The following TRDN variants were observed in gnomAD, a reference collection of about 807,000 sequenced individuals.
TRDN encodes the protein triadin.
In TRDN, 161 loss-of-function variants were observed where a neutral mutation model predicts 149.7. The observed-to-expected ratio is 1.08, with a 90% CI of 0.95 to 1.23. The LOEUF (loss-of-function observed/expected upper bound fraction) is 1.23. TRDN is among the 50% of genes most tolerant of loss of function. The pLI, the probability that TRDN is intolerant of heterozygous loss-of-function variation, is 0.00. For missense variants in TRDN, 896 were observed against 823.5 expected, an observed-to-expected ratio of 1.09 and a Z score of -1.08; for synonymous variants, 294 against 250.5, an observed-to-expected ratio of 1.17 and a Z score of -1.64.
At chr6:123,526,657 T>C (rs73552164) in intron 5 of TRDN, among the ~76,000 whole-genome samples, 18,534 of 152,070 alleles carry the variant, frequency 0.12, 1,359 homozygotes, top group Non-Finnish European at 0.17. Flanking sequence ...AAAAATTATA[T>C]ACAGTATTTC....
At chr6:123,292,234 T>A (rs1413295131) in intron 24 of TRDN, among the ~76,000 whole-genome samples, 1 of 152,204 alleles carries the variant, frequency 6.6e-6, no homozygotes, top group African/African-American at 2.4e-5. Context: ...GGGTCCATAA[T>A]GTCCCTCAGT....
rs562052950 is a variant in TRDN at position 123,302,823 on chromosome 6, A to C, written c.1510+13634T>G. Among the ~76,000 whole-genome samples, 3 of 152,234 alleles carry C rather than the reference A, an allele frequency of 2.0e-5. 1 individual carries two copies. In the South Asian group the frequency reaches 6.2e-4, roughly 32 times the overall value. ...GTTAAAATGCAAGTTCTTATTCATCAGTTCTTGATGGGCCCTAAGATTCTA... is the reference window on the plus strand; with the variant it reads ...GTTAAAATGCAAGTTCTTATTCATCCGTTCTTGATGGGCCCTAAGATTCTA... On this transcript the variant is annotated intron_variant, in intron 24 of 40. Transcript: ENST00000334268.
chr6:123,612,020 C>T lies in TRDN; in HGVS notation c.22+24734G>A, dbSNP rs116163302. 8.9e-3 allele frequency among the ~76,000 whole-genome samples: 1,353 copies of T among 151,628 alleles called. 22 individuals are homozygous for T. The highest frequency in any genetic ancestry group is 0.03 in the African/African-American group (1,227 of 41,344). On this transcript the variant is annotated intron_variant, in intron 1 of 40. Transcript: ENST00000334268. ...TTCAACTTAAGTCAAAAGCTAAGAACGATGTTCAAGATTAGTGTTCTACAA... is the reference window on the plus strand; with the variant it reads ...TTCAACTTAAGTCAAAAGCTAAGAATGATGTTCAAGATTAGTGTTCTACAA...
intron 10 of TRDN, among the ~76,000 whole-genome samples, chr6:123,453,321 C>A (rs1775902425): frequency 6.6e-6 from 1 of 152,104 alleles, no homozygotes; most frequent in African/African-American, 2.4e-5. Flanking sequence ...AAACAGACAA[C>A]CCACAGAGTG....
intron 31 of TRDN, 53 bp from the exon 32 acceptor site, chr6:123,267,804 T>G: frequency 7.0e-7 from 1 of 1,425,790 alleles, no homozygotes; most frequent in Non-Finnish European, 9.5e-7. Flanking sequence ...TTGGCAAATA[T>G]TTCTTATTTA....
At chr6:123,242,549 T>C (rs1483737904) in intron 38 of TRDN, among the ~76,000 whole-genome samples, 1 of 152,204 alleles carries the variant, frequency 6.6e-6, no homozygotes, top group Admixed American at 6.5e-5. Flanking sequence ...CTGTTTAGAT[T>C]CAGCTAATAC....
intron 20 of TRDN, among the ~76,000 whole-genome samples, chr6:123,363,994 A>G (rs1780994169): frequency 6.6e-6 from 1 of 152,206 alleles, no homozygotes; most frequent in Non-Finnish European, 1.5e-5. Context: ...AACTGTGTCC[A>G]AAAGAGGCAA....
At chr6:123,242,258 T>C (rs1042128737) in intron 38 of TRDN, among the ~76,000 whole-genome samples, 1 of 152,160 alleles carries the variant, frequency 6.6e-6, no homozygotes, top group African/African-American at 2.4e-5. Flanking sequence ...TTTGCTTTTT[T>C]AGAGAAAAAG....
At chr6:123,540,219 A>G (rs1211987916) in intron 4 of TRDN, among the ~76,000 whole-genome samples, 1 of 152,200 alleles carries the variant, frequency 6.6e-6, no homozygotes, top group Non-Finnish European at 1.5e-5. Flanking sequence ...ATGCTACTAA[A>G]TCCAGATTAA....
intron 1 of TRDN, among the ~76,000 whole-genome samples, chr6:123,579,550 T>C (rs993101340): frequency 6.6e-6 from 1 of 152,206 alleles, no homozygotes; most frequent in African/African-American, 2.4e-5. Flanking sequence ...TGCAAGATTT[T>C]GTTGAGGATT....
chr6:123,296,737 T>C (rs1304746840), intron 24 of TRDN, among the ~76,000 whole-genome samples: 1 of 152,052 alleles, frequency 6.6e-6, no homozygotes, highest in African/African-American at 2.4e-5. Context: ...TATAGTTTTA[T>C]GTATATAATT....
intron 5 of TRDN, among the ~76,000 whole-genome samples, chr6:123,517,589 A>C (rs901552673): frequency 6.6e-6 from 1 of 152,052 alleles, no homozygotes; most frequent in African/African-American, 2.4e-5. Context: ...TTACCAACCC[A>C]ATGTCATCTA....
chr6:123,324,147 C>G (rs1375995851), intron 23 of TRDN, among the ~76,000 whole-genome samples: 1 of 152,126 alleles, frequency 6.6e-6, no homozygotes, highest in African/African-American at 2.4e-5. Flanking sequence ...GGGGAAGTCA[C>G]TAGACTCTTG....
At chr6:123,526,030 T>C (rs563885069) in intron 5 of TRDN, among the ~76,000 whole-genome samples, 1 of 152,148 alleles carries the variant, frequency 6.6e-6, no homozygotes, top group East Asian at 1.9e-4. Flanking sequence ...GGGCCCAGTT[T>C]GTGGTAATTT....
intron 2 of TRDN, among the ~76,000 whole-genome samples, chr6:123,552,898 A>G (rs964875209): frequency 1.3e-5 from 2 of 152,150 alleles, no homozygotes; most frequent in African/African-American, 4.8e-5. Flanking sequence ...TCAACTTTCC[A>G]GTGCCTGTTA....
At chr6:123,262,271 C>A (rs28385594) in intron 33 of TRDN, among the ~76,000 whole-genome samples, 21,640 of 151,984 alleles carry the variant, frequency 0.14, 1,790 homozygotes, top group African/African-American at 0.22. Flanking sequence ...TCAACCCACA[C>A]AATAACTGTT....
At chr6:123,634,748 A>G (rs550645816) in intron 1 of TRDN, among the ~76,000 whole-genome samples, 2 of 143,392 alleles carry the variant, frequency 1.4e-5, no homozygotes, top group African/African-American at 3.0e-5. Context: ...TTATTAATAA[A>G]TCATTCCAGA....
chr6:123,491,776 A>C (rs1169242338), intron 9 of TRDN, among the ~76,000 whole-genome samples: 1 of 152,206 alleles, frequency 6.6e-6, no homozygotes, highest in Non-Finnish European at 1.5e-5. Context: ...TGTTGTGTGA[A>C]AATAATTAAA....
rs557734316 is a variant in TRDN at position 123,241,092 on chromosome 6, TACTC to T, written c.1975+11316_1975+11319del. 2.7e-3 allele frequency among the ~76,000 whole-genome samples: 413 copies of T among 151,926 alleles called. 3 individuals carry two copies. Among genetic ancestry groups the T allele is most frequent in the African/African-American group, 7.7e-3 (320 of 41,576 alleles). ...CTGAATTATCATTTTATAATTTACTTACTCATTAATAGTAACATTATTATTTGAC... is the reference window on the plus strand; with the variant it reads ...CTGAATTATCATTTTATAATTTACTTATTAATAGTAACATTATTATTTGAC... On this transcript the variant is annotated intron_variant, in intron 38 of 40. Coordinates refer to ENST00000334268, the MANE Select transcript of TRDN (RefSeq NM_006073.4).
Sources: allele counts gnomAD v4.1 joint callset (sites outside exome capture counted in the v4.1 genomes callset), GRCh38; gene constraint gnomAD v4.1.1; transcripts MANE v1.5; gene names NCBI Gene and HGNC (gene_info 2026-07-23, HGNC 2026-07-21).